The following DNAH17 variants were observed in gnomAD, a reference collection of about 807,000 sequenced individuals.
The protein encoded by DNAH17 is dynein axonemal heavy chain 17.
DNAH17 carries 376 observed loss-of-function variants against 485.6 expected under a neutral mutation model. That is an observed-to-expected ratio of 0.77 (90% CI 0.71 to 0.84). DNAH17 has a LOEUF of 0.84. DNAH17 is among the 40% of genes least tolerant of loss of function. The probability of loss-of-function intolerance (pLI) is 0.00; values close to 1 mark genes in which losing one functional copy is unlikely to be tolerated. For synonymous variants in DNAH17, 3,031 were observed against 2,405.9 expected, an observed-to-expected ratio of 1.26 and a Z score of -7.60; for missense variants, 6,370 against 5,839.3, an observed-to-expected ratio of 1.09 and a Z score of -2.96.
intron 18 of DNAH17, among the ~76,000 whole-genome samples, chr17:78,538,612 T>C (rs1163977158): frequency 6.6e-6 from 1 of 152,194 alleles, no homozygotes; most frequent in Non-Finnish European, 1.5e-5. Context: ...GGTCGGCTCC[T>C]GCCCCCAGGC....
chr17:78,458,406 G>A (rs767298530), intron 62 of DNAH17, 159 bp downstream of exon 62: 23 of 641,574 alleles, frequency 3.6e-5, no homozygotes, highest in Middle Eastern at 4.3e-4. Context: ...TATGCAAGAG[G>A]CCAAGTTTTA....
At position 78,466,314 on chromosome 17, in the gene DNAH17, G is replaced by A. The variant is rs76562359; in HGVS notation, c.8940+341C>T. On this transcript the variant is annotated intron_variant, in intron 56 of 80. Coordinates refer to ENST00000389840, the MANE Select transcript of DNAH17 (RefSeq NM_173628.4). ...ACTGCCGAAGGCCGGAAGGCCTCAG[G>A]GTCCTCTGCCTAGGAAAACCAGAGA... Among the ~76,000 whole-genome samples the A allele has an allele frequency of 3.3e-3, 501 of 152,174 alleles. 4 individuals are homozygous for A. Among genetic ancestry groups the A allele is most frequent in the African/African-American group, 0.012 (481 of 41,504 alleles).
intron 66 of DNAH17, 63 bp downstream of exon 66, chr17:78,451,406 T>G: frequency 1.3e-6 from 2 of 1,482,384 alleles, no homozygotes; most frequent in Admixed American, 4.2e-5. Context: ...ACCCTCACAG[T>G]GACCTGGCCC....
intron 29 of DNAH17, among the ~76,000 whole-genome samples, chr17:78,507,057 T>C (rs2090504025): frequency 6.6e-6 from 1 of 152,162 alleles, no homozygotes. Flanking sequence ...GGGAGCATCA[T>C]TTATTCTCCG....
chr17:78,464,905 G>A (rs996115997), intron 56 of DNAH17, among the ~76,000 whole-genome samples: 4 of 152,326 alleles, frequency 2.6e-5, no homozygotes, highest in South Asian at 2.1e-4. Context: ...ATTTTTTAGC[G>A]CTAATTTGAT....
intron 30 of DNAH17, among the ~76,000 whole-genome samples, chr17:78,505,932 C>T (rs1405659673): frequency 6.6e-6 from 1 of 152,012 alleles, no homozygotes; most frequent in Non-Finnish European, 1.5e-5. Flanking sequence ...GAGCCGAGAT[C>T]GCGCCATTGC....
At chr17:78,473,980 G>A (rs1004074962) in intron 54 of DNAH17, among the ~76,000 whole-genome samples, 1 of 152,178 alleles carries the variant, frequency 6.6e-6, no homozygotes, top group African/African-American at 2.4e-5. Flanking sequence ...CATCTGAGGA[G>A]TTCAAAAAAG....
intron 80 of DNAH17, chr17:78,424,488 C>A (rs1466979735): frequency 3.3e-6 from 1 of 299,470 alleles, no homozygotes; most frequent in African/African-American, 2.1e-5. Flanking sequence ...GAGTAAAGTT[C>A]CCTGATTCTT....
At chr17:78,461,776 C>T (rs1379010145) in intron 57 of DNAH17, 68 bp from the exon 58 acceptor site, 3 of 1,484,516 alleles carry the variant, frequency 2.0e-6, no homozygotes, top group South Asian at 1.3e-5. Flanking sequence ...CTGCACTGGG[C>T]AGACGAGGGC....
chr17:78,507,200 G>C, intron 29 of DNAH17, 78 bp downstream of exon 29: 1 of 1,539,884 alleles, frequency 6.5e-7, no homozygotes, highest in East Asian at 2.3e-5. Context: ...GGCTGCACAA[G>C]ACTTAAGTTC....
intron 17 of DNAH17, 61 bp from the exon 18 acceptor site, chr17:78,539,941 A>C (rs1898273422): frequency 6.7e-7 from 1 of 1,488,354 alleles, no homozygotes; most frequent in East Asian, 2.4e-5. Flanking sequence ...CTTTGATCAC[A>C]CTGTTTAGTG....
At chr17:78,506,966 G>T in intron 29 of DNAH17, 120 bp from the exon 30 acceptor site, 1 of 1,407,196 alleles carries the variant, frequency 7.1e-7, no homozygotes, top group Non-Finnish European at 9.7e-7. Flanking sequence ...CTGTTCACAG[G>T]CCTGGTTTAA....
intron 56 of DNAH17, among the ~76,000 whole-genome samples, chr17:78,464,171 C>T (rs1209597519): frequency 1.3e-5 from 2 of 151,966 alleles, no homozygotes; most frequent in East Asian, 3.8e-4. Flanking sequence ...CTCATCCCCC[C>T]TACTGAGTTG....
chr17:78,561,055 G>C (rs1246695536), intron 12 of DNAH17, 120 bp from the exon 13 acceptor site: 1 of 908,994 alleles, frequency 1.1e-6, no homozygotes, highest in African/African-American at 1.6e-5. Context: ...AATTACTCGA[G>C]GCTCACAGAC....
At chr17:78,491,287 G>A (rs747417460) in intron 43 of DNAH17, among the ~76,000 whole-genome samples, 156 bp downstream of exon 43, 1 of 152,232 alleles carries the variant, frequency 6.6e-6, no homozygotes, top group African/African-American at 2.4e-5. Flanking sequence ...CTCACGACAA[G>A]GTGCCCCTCA....
chr17:78,494,013 G>A (rs774169742), intron 41 of DNAH17, 23 bp downstream of exon 41: 3 of 1,604,870 alleles, frequency 1.9e-6, no homozygotes, highest in African/African-American at 2.7e-5. Flanking sequence ...ATCCCTGCAA[G>A]GTCCCTGGAG....
At position 78,524,233 on chromosome 17, in the gene DNAH17, G is replaced by A. The variant is rs559105594; in HGVS notation, c.3864+776C>T. On this transcript the variant is annotated intron_variant, in intron 25 of 80. Coordinates refer to ENST00000389840, the MANE Select transcript of DNAH17 (RefSeq NM_173628.4). ...GCTCACTGCAACCTCTGCCTCCCAG[G>A]TTCAAGCAATTCTTCTACCTCAGCT... Among the ~76,000 whole-genome samples the A allele has an allele frequency of 3.9e-3, 590 of 152,240 alleles. 8 individuals are homozygous for A. Among genetic ancestry groups the A allele is most frequent in the Non-Finnish European group, 5.9e-3 (401 of 68,018 alleles).
intron 71 of DNAH17, 137 bp from the exon 72 acceptor site, chr17:78,441,336 G>A: frequency 2.1e-6 from 2 of 956,274 alleles, no homozygotes; most frequent in Non-Finnish European, 3.0e-6. Flanking sequence ...TGTGGCAGGA[G>A]AGCAGAGTCT....
intron 49 of DNAH17, 81 bp downstream of exon 49, chr17:78,480,603 A>G: frequency 7.9e-7 from 1 of 1,270,090 alleles, no homozygotes; most frequent in Non-Finnish European, 1.1e-6. Context: ...AACACCCTAA[A>G]CCAAAGCTTT....
Sources: gnomAD v4.1 joint callset for allele counts (sites outside exome capture counted in the v4.1 genomes callset) on GRCh38, gnomAD v4.1.1 for gene constraint, MANE v1.5 for transcripts, NCBI Gene and HGNC (gene_info 2026-07-23, HGNC 2026-07-21) for gene names.